The following PSD3 variants were observed in gnomAD, a reference collection of about 807,000 sequenced individuals.
The protein encoded by PSD3 is pleckstrin and Sec7 domain containing 3, also known as PH and SEC7 domain-containing protein 3.
In PSD3, 49 loss-of-function variants were observed where a neutral mutation model predicts 105.5. The ratio of observed to expected loss-of-function variants is 0.46; its 90% CI spans 0.37 to 0.59. The LOEUF (loss-of-function observed/expected upper bound fraction) is 0.59. Among genes scored for constraint, PSD3 ranks in the 20% least tolerant of loss-of-function variants. The pLI is 0.00. For synonymous variants in PSD3, 557 were observed against 457.8 expected, an observed-to-expected ratio of 1.22 and a Z score of -2.77; for missense variants, 1,561 against 1,263.8, an observed-to-expected ratio of 1.24 and a Z score of -3.57.
At chr8:18,648,323 T>C (rs1808210412) in intron 10 of PSD3, among the ~76,000 whole-genome samples, 1 of 152,196 alleles carries the variant, frequency 6.6e-6, no homozygotes, top group South Asian at 2.1e-4. Context: ...AGGTATCAGA[T>C]GGCAATGAGG....
Position 18,804,529 on chromosome 8 carries a change from A to G in PSD3, c.1903T>C (p.Ser635Pro). The change falls in exon 6 of 16, where the codon TCA (serine) becomes CCA (proline). Residue 635 changes from serine (S) to proline (P), a missense_variant. Coordinates refer to ENST00000327040, the MANE Select transcript of PSD3 (RefSeq NM_015310.4). Reference protein sequence around the residue: ...FDFTGMTLDQSLRYFFKAFSL... With the variant: ...FDFTGMTLDQPLRYFFKAFSL... ...AAGGAGGCTTAGTCATACCTGAGTG[A>G]CTGATCCAGCGTCATTCCTGTAAAA... The G allele has an allele frequency of 6.2e-7, 1 of 1,608,920 alleles. No individual in the cohort carries two copies. The highest frequency in any genetic ancestry group is 8.5e-7 in the Non-Finnish European group (1 of 1,175,424).
chr8:18,723,146 A>G (rs1803114815), intron 9 of PSD3, among the ~76,000 whole-genome samples: 1 of 152,172 alleles, frequency 6.6e-6, no homozygotes, highest in Non-Finnish European at 1.5e-5. Context: ...CTTAAGAGTG[A>G]CCCACAGTAT....
chr8:18,674,361 T>C (rs1410235245), intron 9 of PSD3, among the ~76,000 whole-genome samples: 2 of 152,164 alleles, frequency 1.3e-5, no homozygotes, highest in African/African-American at 4.8e-5. Context: ...TGGCATCCAG[T>C]TTTTTTCTGT....
chr8:18,995,304 T>C (rs1393974408), intron 1 of PSD3, among the ~76,000 whole-genome samples: 1 of 152,118 alleles, frequency 6.6e-6, no homozygotes, highest in Non-Finnish European at 1.5e-5. Flanking sequence ...TGGCCTAGTC[T>C]CTTCAGCTAT....
chr8:18,661,574 A>C (rs76143715), intron 9 of PSD3, among the ~76,000 whole-genome samples: 3,572 of 152,252 alleles, frequency 0.023, 130 homozygotes, highest in African/African-American at 0.08. Flanking sequence ...ACTATCTCTC[A>C]CTATAGGAAG....
At chr8:18,567,827 G>A (rs1459729239) in intron 14 of PSD3, among the ~76,000 whole-genome samples, 2 of 152,242 alleles carry the variant, frequency 1.3e-5, no homozygotes, top group East Asian at 3.9e-4. Context: ...ATATAGTTTG[G>A]ATGCTTGTCC....
Position 18,804,684 on chromosome 8 carries a change from A to G in PSD3, c.1829+20T>C, listed in dbSNP as rs1563290706. The G allele has an allele frequency of 1.2e-6, 2 of 1,612,958 alleles. No individual in the cohort carries two copies. Among genetic ancestry groups the G allele is most frequent in the Admixed American group, 3.3e-5 (2 of 59,914 alleles). ...CAAAACAGGAGAGAATTCAGACTCC[A>G]GCAATGGGTCAGAACGTACTTCTTG... On this transcript the variant is annotated intron_variant, in intron 5 of 15. Transcript: ENST00000327040.
chr8:18,673,641 A>G (rs1366808168), intron 9 of PSD3, among the ~76,000 whole-genome samples: 1 of 152,156 alleles, frequency 6.6e-6, no homozygotes, highest in East Asian at 1.9e-4. Context: ...ACTGGACACC[A>G]TGTCTTCTCT....
In PSD3 at chr8:18,604,161, C is replaced by T. The variant is rs541158225; in HGVS notation, c.2411-3727G>A. ...AGATGACTGAAAGTTTGGAAATTCC[C>T]AGAGACTGGATGAATGGTTATGACC... is the stretch of plus-strand genomic sequence containing the variant. On this transcript the variant is annotated intron_variant, in intron 11 of 15. Coordinates refer to ENST00000327040, the MANE Select transcript of PSD3 (RefSeq NM_015310.4). Among the ~76,000 whole-genome samples, 3 of 152,232 alleles carry T rather than the reference C, an allele frequency of 2.0e-5. No individual in the cohort carries two copies. In the South Asian group the frequency reaches 6.2e-4, roughly 32 times the overall value.
intron 9 of PSD3, among the ~76,000 whole-genome samples, chr8:18,703,661 G>C (rs1002610831): frequency 6.6e-6 from 1 of 152,180 alleles, no homozygotes; most frequent in Non-Finnish European, 1.5e-5. Context: ...GATGACTGCA[G>C]TACAATGGAT....
intron 1 of PSD3, among the ~76,000 whole-genome samples, chr8:18,946,737 T>C (rs1242174645): frequency 2.7e-5 from 4 of 147,826 alleles, no homozygotes; most frequent in Admixed American, 2.0e-4. Context: ...CCATCTCTAC[T>C]AAAAAAAAAA....
At chr8:18,655,831 A>AG (rs1808848612) in intron 9 of PSD3, 146 bp from the exon 10 acceptor site, 2 of 689,774 alleles carry the variant, frequency 2.9e-6, no homozygotes, top group Non-Finnish European at 5.0e-6. Context: ...GGTGAAGAAT[A>AG]CATGGGGAGG....
At chr8:18,965,524 A>G (rs1008971779) in intron 1 of PSD3, among the ~76,000 whole-genome samples, 1 of 152,220 alleles carries the variant, frequency 6.6e-6, no homozygotes, top group Non-Finnish European at 1.5e-5. Context: ...CCCGGTTGCC[A>G]CTGTGACCAT....
chr8:18,824,772 A>G (rs1813040426), intron 4 of PSD3, among the ~76,000 whole-genome samples: 1 of 152,178 alleles, frequency 6.6e-6, no homozygotes, highest in South Asian at 2.1e-4. Context: ...TGCGATACAG[A>G]TAACTAGAAG....
At chr8:18,814,167 T>C (rs1812002925) in intron 4 of PSD3, among the ~76,000 whole-genome samples, 1 of 152,210 alleles carries the variant, frequency 6.6e-6, no homozygotes. Context: ...TAAGAGCTAT[T>C]TCTCTGTTCA....
intron 1 of PSD3, among the ~76,000 whole-genome samples, chr8:18,946,194 A>C (rs887742654): frequency 6.6e-6 from 1 of 152,158 alleles, no homozygotes; most frequent in Non-Finnish European, 1.5e-5. Context: ...TATTGCTGAA[A>C]AACAAAGAAA....
chr8:18,832,584 G>C (rs987980797), intron 4 of PSD3, among the ~76,000 whole-genome samples: 3 of 152,174 alleles, frequency 2.0e-5, no homozygotes, highest in Non-Finnish European at 4.4e-5. Flanking sequence ...GAAACACTGA[G>C]TGACTATTGT....
At position 18,617,851 on chromosome 8, in the gene PSD3, G is replaced by A. The variant is rs1344481509; in HGVS notation, c.2410+14762C>T. Among the ~76,000 whole-genome samples the A allele has an allele frequency of 2.0e-5, 3 of 152,060 alleles. 1 individual carries two copies. The highest frequency in any genetic ancestry group is 1.3e-4 in the Admixed American group (2 of 15,270). On this transcript the variant is annotated intron_variant, in intron 11 of 15. Coordinates refer to ENST00000327040, the MANE Select transcript of PSD3 (RefSeq NM_015310.4). ...TATAGCATCACATGATGGATAGCAG[G>A]TCCTAAGGGAAATCAAAGTATTGTA...
At chr8:18,622,195 T>C (rs1806163134) in intron 11 of PSD3, among the ~76,000 whole-genome samples, 1 of 152,226 alleles carries the variant, frequency 6.6e-6, no homozygotes, top group Non-Finnish European at 1.5e-5. Context: ...ATCTCAGGAC[T>C]GTACAATGAC....
Sources: allele counts gnomAD v4.1 joint callset (sites outside exome capture counted in the v4.1 genomes callset), GRCh38; gene constraint gnomAD v4.1.1; transcripts MANE v1.5; gene names NCBI Gene and HGNC (gene_info 2026-07-23, HGNC 2026-07-21).